SSX2IP: variants seen among roughly 807,000 people sequenced by gnomAD.
SSX2IP encodes the protein afadin- and alpha-actinin-binding protein.
Under a neutral mutation model 84.9 loss-of-function variants are expected in SSX2IP, and 55 were observed. That is an observed-to-expected ratio of 0.65 (90% confidence interval 0.52 to 0.81). SSX2IP has a LOEUF of 0.81. SSX2IP is among the 30% of genes least tolerant of loss of function. The probability of loss-of-function intolerance (pLI) is 0.00; values close to 1 mark genes in which losing one functional copy is unlikely to be tolerated. For synonymous variants in SSX2IP, 239 were observed against 234.7 expected (o/e 1.02, Z -0.17); for missense variants, 664 against 705.2 (o/e 0.94, Z 0.66).
In SSX2IP at chr1:84,655,758, G is replaced by A; in HGVS notation, c.1389+74C>T. On this transcript the variant is annotated intron_variant, in intron 11 of 13. Transcript: ENST00000342203. ...AATAAGTAAATAGCAAGAAAAAAAGGAGACCTTAGAAGCATTCTACTGAGG... is the reference window on the plus strand; with the variant it reads ...AATAAGTAAATAGCAAGAAAAAAAGAAGACCTTAGAAGCATTCTACTGAGG... 3 of 1,509,190 alleles carry A rather than the reference G, an allele frequency of 2.0e-6. No homozygotes were observed. The Admixed American group carries it at 6.7e-5, about 34-fold the overall frequency. The allele number at this position is 1,509,190 out of a possible 1,614,324, so 93.5% of individuals were successfully genotyped here.
intron 4 of SSX2IP, among the ~76,000 whole-genome samples, chr1:84,668,604 A>G (rs1351396799): frequency 1.3e-5 from 2 of 152,134 alleles, no homozygotes; most frequent in Non-Finnish European, 2.9e-5. Flanking sequence ...ATGTCTCTAA[A>G]CCAATCCCCA....
intron 1 of SSX2IP, among the ~76,000 whole-genome samples, chr1:84,674,579 T>C (rs1654043917): frequency 6.6e-6 from 1 of 152,188 alleles, no homozygotes; most frequent in South Asian, 2.1e-4. Context: ...CTTTTCTCCT[T>C]ATACAGAAAG....
chr1:84,648,448 C>G (rs1649759173), intron 13 of SSX2IP, among the ~76,000 whole-genome samples: 2 of 152,140 alleles, frequency 1.3e-5, no homozygotes, highest in Non-Finnish European at 1.5e-5. Flanking sequence ...TAGTCTGTCA[C>G]TAAATGTTTT....
At chr1:84,668,902 T>C (rs911464251) in intron 4 of SSX2IP, among the ~76,000 whole-genome samples, 4 of 152,122 alleles carry the variant, frequency 2.6e-5, no homozygotes. Context: ...GCTTTGATTT[T>C]CACAAATAAC....
At position 84,650,439 on chromosome 1, in the gene SSX2IP, A is replaced by C. The variant is rs775178973; in HGVS notation, c.1593T>G (p.Ser531=). The C allele has an allele frequency of 1.2e-6, 2 of 1,614,212 alleles. No homozygotes were observed. The highest frequency in any genetic ancestry group is 1.7e-6 in the Non-Finnish European group (2 of 1,180,020). The part of the protein sequence containing the change: ...SVSNGSPVCM[S]KLTKSLPASP... ...AAGCAGGAAGAGATTTAGTAAGTTT[A>C]GACATGCAAACTGGAGACCCATTAG... is the stretch of plus-strand genomic sequence containing the variant. The change falls in exon 13 of 14, where the codon TCT becomes TCG. Residue 531 remains serine, a synonymous_variant. Transcript: ENST00000342203.
chr1:84,656,856 CAGAGA>C (rs758419773), intron 9 of SSX2IP, among the ~76,000 whole-genome samples: 11 of 152,152 alleles, frequency 7.2e-5, no homozygotes, highest in African/African-American at 2.6e-4. Flanking sequence ...TGGCCATATT[CAGAGA>C]AGAGAAAAAT....
In SSX2IP at chr1:84,690,358, CGCT is replaced by C. The variant is rs1396969307; in HGVS notation, c.-90+10_-90+12del. 1 of 150,746 alleles carries C rather than the reference CGCT, an allele frequency of 6.6e-6. No homozygotes were observed. The highest frequency in any genetic ancestry group is 1.5e-5 in the Non-Finnish European group (1 of 67,550). 9.3% of individuals were successfully genotyped at this position (150,746 alleles called of 1,614,324 possible). On this transcript the variant is annotated intron_variant, in intron 1 of 13. Coordinates refer to ENST00000342203, the MANE Select transcript of SSX2IP (RefSeq NM_001166293.2). ...GCGCGTCACAATCCCCGACGCGAGGCGCTGCTGCTCACCGTCACGGCCCCCGGG... is the reference window on the plus strand; with the variant it reads ...GCGCGTCACAATCCCCGACGCGAGGCGCTGCTCACCGTCACGGCCCCCGGG...
intron 1 of SSX2IP, among the ~76,000 whole-genome samples, chr1:84,689,009 G>T (rs1656198149): frequency 6.6e-6 from 1 of 152,190 alleles, no homozygotes; most frequent in Admixed American, 6.5e-5. Flanking sequence ...ACAGCAGGCA[G>T]AACAGAGTGT....
At chr1:84,685,773 A>G (rs1432024605) in intron 1 of SSX2IP, among the ~76,000 whole-genome samples, 1 of 152,212 alleles carries the variant, frequency 6.6e-6, no homozygotes, top group African/African-American at 2.4e-5. Context: ...GATTATTTCT[A>G]TGATGTTGGC....
chr1:84,654,589 A>G (rs1650797268), intron 11 of SSX2IP, among the ~76,000 whole-genome samples: 2 of 152,174 alleles, frequency 1.3e-5, no homozygotes, highest in South Asian at 2.1e-4. Context: ...TATGAGCAAC[A>G]TGGCAGCTGA....
At chr1:84,686,549 G>A (rs1348210011) in intron 1 of SSX2IP, among the ~76,000 whole-genome samples, 3 of 152,084 alleles carry the variant, frequency 2.0e-5, no homozygotes, top group African/African-American at 7.3e-5. Flanking sequence ...ATTCACATGG[G>A]GATAAACTCT....
intron 12 of SSX2IP, among the ~76,000 whole-genome samples, chr1:84,651,237 G>A (rs1430940487): frequency 6.6e-6 from 1 of 151,736 alleles, no homozygotes; most frequent in Non-Finnish European, 1.5e-5. Flanking sequence ...AGGATTGCCT[G>A]AGCCCAGGAC....
At chr1:84,678,884 C>G (rs1641148991) in intron 1 of SSX2IP, among the ~76,000 whole-genome samples, 1 of 152,144 alleles carries the variant, frequency 6.6e-6, no homozygotes, top group African/African-American at 2.4e-5. Flanking sequence ...AATTGCCTAC[C>G]TACTCAGAAT....
Position 84,683,307 on chromosome 1 carries a change from T to G in SSX2IP, c.-90+7064A>C, listed in dbSNP as rs901951483. On this transcript the variant is annotated intron_variant, in intron 1 of 13. Transcript: ENST00000342203. ...GCTTTTTCAAACCGAACAAGTATTCTCTTCTTTACCACCTCACCTGAAACT... is the reference window on the plus strand; with the variant it reads ...GCTTTTTCAAACCGAACAAGTATTCGCTTCTTTACCACCTCACCTGAAACT... Among the ~76,000 whole-genome samples the G allele has an allele frequency of 5.5e-4, 83 of 152,158 alleles. 4 individuals carry two copies. Among genetic ancestry groups the G allele is most frequent in the Admixed American group, 6.5e-5 (1 of 15,284 alleles).
At chr1:84,679,291 T>C (rs1286743120) in intron 1 of SSX2IP, among the ~76,000 whole-genome samples, 1 of 152,204 alleles carries the variant, frequency 6.6e-6, no homozygotes, top group African/African-American at 2.4e-5. Context: ...CACCTTAAAA[T>C]TGTTCAGATG....
chr1:84,647,120 T>C lies in SSX2IP; in HGVS notation c.*313A>G. 5.2e-6 allele frequency: 1 copy of C among 191,634 alleles called. No homozygotes were observed. The highest frequency in any genetic ancestry group is 1.1e-5 in the Non-Finnish European group (1 of 94,482). The allele number at this position is 191,634 out of a possible 1,614,324, so 11.9% of individuals were successfully genotyped here. ...AAAATTAAACATTTACAATAATCAG[T>C]TTCCTAAAAGTGCTATTTTTAATAC... is the stretch of plus-strand genomic sequence containing the variant. On this transcript the variant is annotated 3_prime_UTR_variant, in exon 14 of 14. Transcript: ENST00000342203.
chr1:84,664,278 A>C (rs115900583), intron 6 of SSX2IP, 139 bp downstream of exon 6: 21,468 of 909,050 alleles, frequency 0.024, 332 homozygotes, highest in Middle Eastern at 0.056. Flanking sequence ...TTTTTATATA[A>C]ACAAACACCA....
Position 84,652,902 on chromosome 1 carries a change from G to A in SSX2IP, c.1390-905C>T, listed in dbSNP as rs1046687794. Among the ~76,000 whole-genome samples the A allele has an allele frequency of 5.0e-5, 7 of 139,812 alleles. No individual in the cohort carries two copies. In the East Asian group the frequency reaches 1.1e-3, roughly 22 times the overall value. 91.7% of individuals were successfully genotyped at this position (139,812 alleles called of 152,430 possible). On this transcript the variant is annotated intron_variant, in intron 11 of 13. Transcript: ENST00000342203. ...AAAAAATTAGCCGGGTGTGGTGGCGGGTGCCTGTAGTCCCAGCTACTCAGG... is the reference window on the plus strand; with the variant it reads ...AAAAAATTAGCCGGGTGTGGTGGCGAGTGCCTGTAGTCCCAGCTACTCAGG...
In SSX2IP at chr1:84,646,981, AAG is replaced by A. The variant is rs1257871632; in HGVS notation, c.*450_*451del. 1.3e-5 allele frequency: 2 copies of A among 152,740 alleles called. No homozygotes were observed. Among genetic ancestry groups the A allele is most frequent in the African/African-American group, 4.8e-5 (2 of 41,468 alleles). 9.5% of individuals were successfully genotyped at this position (152,740 alleles called of 1,614,324 possible). On this transcript the variant is annotated 3_prime_UTR_variant, in exon 14 of 14. Transcript: ENST00000342203. ...ATTTCACTTTATTTAAAACATATGAAAGAGGTAATTTCAAACCACACTAAACA... is the reference window on the plus strand; with the variant it reads ...ATTTCACTTTATTTAAAACATATGAAAGGTAATTTCAAACCACACTAAACA...
Sources: gnomAD v4.1 joint callset for allele counts (sites outside exome capture counted in the v4.1 genomes callset) on GRCh38, gnomAD v4.1.1 for gene constraint, MANE v1.5 for transcripts, NCBI Gene and HGNC (gene_info 2026-07-23, HGNC 2026-07-21) for gene names.